LGSN: variants seen among roughly 807,000 people sequenced by gnomAD.
LGSN encodes the protein lengsin, lens protein with glutamine synthetase domain.
A neutral mutation model predicts 19.5 loss-of-function variants in LGSN; 21 were observed. That is an observed-to-expected ratio of 1.07 (90% CI 0.76 to 1.55). LGSN has a LOEUF of 1.55. Ranked by LOEUF, LGSN falls within the 40% of genes most tolerant of loss-of-function variation. The pLI is 0.00. For missense variants in LGSN, 673 were observed against 608.5 expected (o/e 1.11, Z -1.12); for synonymous variants, 257 against 215.6 (o/e 1.19, Z -1.68).
intron 3 of LGSN, among the ~76,000 whole-genome samples, chr6:63,282,926 G>A (rs1767374396): frequency 6.6e-6 from 1 of 151,976 alleles, no homozygotes; most frequent in South Asian, 2.1e-4. Flanking sequence ...TTGAAATTCT[G>A]TATATTAGTT....
chr6:63,537,883 T>G, the LGSN span, among the ~76,000 whole-genome samples: 166 of 152,134 alleles, frequency 1.1e-3, 1 homozygote, highest in African/African-American at 3.7e-3. Flanking sequence ...GAGAGAGAAG[T>G]TGGGGAGAAT....
chr6:63,414,156 T>C, the LGSN span, among the ~76,000 whole-genome samples: 1 of 152,126 alleles, frequency 6.6e-6, no homozygotes. Context: ...TTAATTTTGT[T>C]TTGTTTTGTT....
chr6:63,538,067 C>T, the LGSN span, among the ~76,000 whole-genome samples: 1 of 152,172 alleles, frequency 6.6e-6, no homozygotes, highest in African/African-American at 2.4e-5. Context: ...AATTATTTTG[C>T]AAAATAGTGG....
At chr6:63,403,342 G>A in the LGSN span, among the ~76,000 whole-genome samples, 1 of 152,068 alleles carries the variant, frequency 6.6e-6, no homozygotes, top group African/African-American at 2.4e-5. Flanking sequence ...TTTTGAGGAG[G>A]AAAGGTCAAG....
the LGSN span, among the ~76,000 whole-genome samples, chr6:63,384,878 C>T: frequency 6.6e-6 from 1 of 152,144 alleles, no homozygotes; most frequent in Non-Finnish European, 1.5e-5. Context: ...AGTCCCTAAT[C>T]CAATCTGACT....
the LGSN span, among the ~76,000 whole-genome samples, chr6:63,538,030 TAAGA>T: frequency 6.6e-6 from 1 of 152,222 alleles, no homozygotes; most frequent in Admixed American, 6.5e-5. Context: ...TGGAGATTAG[TAAGA>T]AAGAAAGATA....
chr6:63,398,421 T>C, the LGSN span, among the ~76,000 whole-genome samples: 1 of 151,930 alleles, frequency 6.6e-6, no homozygotes, highest in African/African-American at 2.4e-5. Context: ...TGTGTACTTA[T>C]GTCTTAGTTT....
the LGSN span, among the ~76,000 whole-genome samples, chr6:63,417,726 T>A: frequency 6.6e-6 from 1 of 152,122 alleles, no homozygotes; most frequent in Non-Finnish European, 1.5e-5. Context: ...TGTTAGAGGT[T>A]GTCAGATGGA....
chr6:63,466,247 GTTTTTA>G, the LGSN span, among the ~76,000 whole-genome samples: 2 of 152,172 alleles, frequency 1.3e-5, no homozygotes, highest in Non-Finnish European at 2.9e-5. Flanking sequence ...CCCCTAGAGA[GTTTTTA>G]TTTTTATTTT....
At chr6:63,498,880 C>T in the LGSN span, among the ~76,000 whole-genome samples, 5 of 151,986 alleles carry the variant, frequency 3.3e-5, 1 homozygote, top group African/African-American at 1.2e-4. Context: ...AGAAAGCAAA[C>T]CCGATGGTGG....
At chr6:63,377,978 T>C in the LGSN span, among the ~76,000 whole-genome samples, 1 of 144,560 alleles carries the variant, frequency 6.9e-6, no homozygotes, top group East Asian at 2.0e-4. Context: ...AACAGCCTTA[T>C]TGCTGATATG....
At chr6:63,348,649 A>G in the LGSN span, among the ~76,000 whole-genome samples, 2 of 152,062 alleles carry the variant, frequency 1.3e-5, no homozygotes, top group African/African-American at 4.8e-5. Context: ...CATCTGGCCT[A>G]CAGTAATCTG....
chr6:63,280,237 C>G lies in LGSN; in HGVS notation c.1314G>C (p.Leu438Phe). ...AGTCTGTGCTCTCATCTGGACCAGC[C>G]AAGACCTCATTACTGCTATGAAGTC... ...LDGLHSSNEV[L>F]AGPDESTDFY... Residue 438 changes from leucine to phenylalanine, a missense_variant, in exon 4 of 4, where the codon TTG (leucine) becomes TTC (phenylalanine). Leu to Phe is a conservative substitution (Grantham distance 22, BLOSUM62 0). Transcript: ENST00000370657. The G allele has an allele frequency of 6.2e-7, 1 of 1,614,194 alleles. No homozygotes were observed. The highest frequency in any genetic ancestry group is 8.5e-7 in the Non-Finnish European group (1 of 1,180,042).
the LGSN span, among the ~76,000 whole-genome samples, chr6:63,459,255 G>A: frequency 8.8e-4 from 134 of 152,102 alleles, 1 homozygote; most frequent in Middle Eastern, 6.8e-3. Context: ...TTTTTATGCC[G>A]TTTAACTGAA....
At chr6:63,473,906 A>G in the LGSN span, among the ~76,000 whole-genome samples, 1 of 149,054 alleles carries the variant, frequency 6.7e-6, no homozygotes, top group East Asian at 1.9e-4. Context: ...TAAAAAGCCC[A>G]AAACTATAAC....
At chr6:63,452,653 TTCTC>T in the LGSN span, among the ~76,000 whole-genome samples, 20 of 147,946 alleles carry the variant, frequency 1.4e-4, no homozygotes, top group Admixed American at 4.1e-4. Flanking sequence ...TATGTTATCT[TTCTC>T]TCTCTCTCTC....
the LGSN span, among the ~76,000 whole-genome samples, chr6:63,412,565 A>AGAAG: frequency 7.2e-6 from 1 of 139,750 alleles, no homozygotes; most frequent in African/African-American, 3.0e-5. Flanking sequence ...AAAGAAAGAA[A>AGAAG]GAAAGGAAGG....
At chr6:63,496,899 G>A in the LGSN span, among the ~76,000 whole-genome samples, 1 of 152,078 alleles carries the variant, frequency 6.6e-6, no homozygotes, top group Non-Finnish European at 1.5e-5. Flanking sequence ...GCCCTTGCCT[G>A]TATAGGATCC....
At chr6:63,366,163 G>A in the LGSN span, among the ~76,000 whole-genome samples, 60 of 152,208 alleles carry the variant, frequency 3.9e-4, no homozygotes, top group African/African-American at 1.2e-3. Context: ...CTGTTTGCAG[G>A]TGACATGATT....
Sources: gnomAD v4.1 joint callset for allele counts (sites outside exome capture counted in the v4.1 genomes callset) on GRCh38, gnomAD v4.1.1 for gene constraint, MANE v1.5 for transcripts, NCBI Gene and HGNC (gene_info 2026-07-23, HGNC 2026-07-21) for gene names.